The following C19orf47 variants were observed in gnomAD, a reference collection of about 807,000 sequenced individuals.
C19orf47 encodes chromosome 19 open reading frame 47, also known as uncharacterized protein C19orf47.
C19orf47 carries 18 observed loss-of-function variants against 32.3 expected under a neutral mutation model. That is an observed-to-expected ratio of 0.56 (90% CI 0.39 to 0.83). C19orf47 has a LOEUF of 0.83. Among genes scored for constraint, C19orf47 ranks in the 40% least tolerant of loss-of-function variants. C19orf47 has a pLI of 0.00. For missense variants in C19orf47, 484 were observed against 531.6 expected (o/e 0.91, Z 0.88); for synonymous variants, 202 against 211.1 (o/e 0.96, Z 0.37).
intron 6 of C19orf47, among the ~76,000 whole-genome samples, chr19:40,327,626 G>A (rs1320045323): frequency 6.6e-6 from 1 of 152,134 alleles, no homozygotes; most frequent in African/African-American, 2.4e-5. Context: ...TTTGCCTTAT[G>A]ACACCATGAG....
rs2077720757 is a variant in C19orf47 at position 40,321,705 on chromosome 19, C to T, written c.*177G>A. On this transcript the variant is annotated 3_prime_UTR_variant, in exon 9 of 9. Coordinates refer to ENST00000683109, the MANE Select transcript of C19orf47 (RefSeq NM_001256441.2). Reference sequence around the variant, plus strand: ...AGCAGGCCAGGCCAGCTGCGACGACCATCCCAGGCTAGGAGAAATGGGGTG... The same window carrying T: ...AGCAGGCCAGGCCAGCTGCGACGACTATCCCAGGCTAGGAGAAATGGGGTG... 1 of 1,418,628 alleles carries T rather than the reference C, an allele frequency of 7.0e-7. No homozygotes were observed. The highest frequency in any genetic ancestry group is 1.4e-5 in the African/African-American group (1 of 69,484). The allele number at this position is 1,418,628 out of a possible 1,614,324, so 87.9% of individuals were successfully genotyped here.
chr19:40,301,352 T>TATTTATTTATTC, the C19orf47 span, among the ~76,000 whole-genome samples: 3 of 148,820 alleles, frequency 2.0e-5, no homozygotes, highest in African/African-American at 5.0e-5. Flanking sequence ...TTTATTTATT[T>TATTTATTTATTC]ATTCTTGAGA....
At chr19:40,331,029 G>C (rs1204302307) in intron 5 of C19orf47, among the ~76,000 whole-genome samples, 1 of 152,140 alleles carries the variant, frequency 6.6e-6, no homozygotes, top group East Asian at 1.9e-4. Context: ...GTAATATTAT[G>C]GGTGAATGCT....
downstream of C19orf47, among the ~76,000 whole-genome samples, chr19:40,315,199 T>C (rs1392453579): frequency 3.3e-5 from 5 of 152,192 alleles, no homozygotes; most frequent in African/African-American, 4.8e-5. Flanking sequence ...GAATAAACTA[T>C]AGACTTTAGT....
At chr19:40,299,239 C>A in the C19orf47 span, among the ~76,000 whole-genome samples, 1 of 151,980 alleles carries the variant, frequency 6.6e-6, no homozygotes, top group African/African-American at 2.4e-5. Flanking sequence ...CCTTCAAAGC[C>A]TTTTAATAAT....
At chr19:40,342,320 A>C (rs1048595028) in intron 1 of C19orf47, 1 of 165,008 alleles carries the variant, frequency 6.1e-6, no homozygotes, top group Non-Finnish European at 1.3e-5. Flanking sequence ...ACCCTGTCTC[A>C]AAAAAAAAGG....
At chr19:40,316,882 G>A (rs1386084678), downstream of C19orf47, among the ~76,000 whole-genome samples, 1 of 152,100 alleles carries the variant, frequency 6.6e-6, no homozygotes, top group African/African-American at 2.4e-5. Context: ...AAAAGGAACT[G>A]GTTAAATAAA....
rs1600235349 is a variant in C19orf47, at chr19:40,348,335, G to A, written c.-45C>T. On this transcript the variant is annotated 5_prime_UTR_variant, in exon 1 of 9. Transcript: ENST00000683109. ...GGCCCGCGCCTCACCTGGCCCACCGGGCCCGCGCCCACTCGCGCCGCCCGC... is the reference window on the plus strand; with the variant it reads ...GGCCCGCGCCTCACCTGGCCCACCGAGCCCGCGCCCACTCGCGCCGCCCGC... 1.5e-6 allele frequency: 2 copies of A among 1,365,572 alleles called. No homozygotes were observed. The highest frequency in any genetic ancestry group is 3.2e-5 in the South Asian group (2 of 62,264). 84.6% of individuals were successfully genotyped at this position (1,365,572 alleles called of 1,614,324 possible).
intron 2 of C19orf47, among the ~76,000 whole-genome samples, chr19:40,338,022 G>C (rs1346202910): frequency 5.3e-5 from 8 of 152,088 alleles, no homozygotes; most frequent in African/African-American, 1.9e-4. Context: ...AATCTAAAGA[G>C]AAAGTAGATT....
chr19:40,331,660 G>A (rs1460525801), intron 5 of C19orf47, among the ~76,000 whole-genome samples: 1 of 152,068 alleles, frequency 6.6e-6, no homozygotes, highest in African/African-American at 2.4e-5. Flanking sequence ...ATACATGTCT[G>A]TGTTTTAAAG....
intron 2 of C19orf47, among the ~76,000 whole-genome samples, chr19:40,341,352 A>AAT (rs2145609618): frequency 6.6e-6 from 1 of 151,736 alleles, no homozygotes; most frequent in East Asian, 1.9e-4. Flanking sequence ...ATACATATAT[A>AAT]ATATATATAA....
the C19orf47 span, among the ~76,000 whole-genome samples, chr19:40,305,780 C>G: frequency 1.3e-5 from 2 of 152,096 alleles, no homozygotes; most frequent in African/African-American, 4.8e-5. Context: ...GAAATTGGAA[C>G]ATGAATTTTG....
intron 1 of C19orf47, among the ~76,000 whole-genome samples, chr19:40,345,784 G>A (rs184970645): frequency 8.3e-4 from 124 of 149,008 alleles, no homozygotes; most frequent in African/African-American, 2.8e-3. Flanking sequence ...GGGGGGGAGA[G>A]GTTGCAGTGA....
chr19:40,315,729 G>A (rs928013108), downstream of C19orf47, among the ~76,000 whole-genome samples: 2 of 151,400 alleles, frequency 1.3e-5, no homozygotes, highest in Non-Finnish European at 2.9e-5. Flanking sequence ...ACAGTGAGCC[G>A]AGATCACCCC....
Position 40,345,776 on chromosome 19 carries a change from G to C in C19orf47, c.-34+2548C>G, listed in dbSNP as rs376350272. 2.4e-3 allele frequency among the ~76,000 whole-genome samples: 365 copies of C among 150,960 alleles called. 2 individuals are homozygous for C. The highest frequency in any genetic ancestry group is 7.6e-3 in the African/African-American group (312 of 41,070). On this transcript the variant is annotated intron_variant, in intron 1 of 8. Transcript: ENST00000683109. ...AGAATCGCTTCAACCCGGGGCGGGG[G>C]GGGGAGAGGTTGCAGTGAGCCAAGA...
the C19orf47 span, among the ~76,000 whole-genome samples, chr19:40,312,435 C>T: frequency 1.3e-5 from 2 of 152,076 alleles, no homozygotes; most frequent in African/African-American, 2.4e-5. Flanking sequence ...GTCCCAGCTA[C>T]TTGGGAGGCT....
chr19:40,348,320 T>TCACCTGGCC lies in C19orf47; in HGVS notation c.-39_-34+3dup. Reference sequence around the variant, plus strand: ...AGTCCCACCACCCCCGGCCCGCGCCTCACCTGGCCCACCGGGCCCGCGCCC... The same window carrying TCACCTGGCC: ...AGTCCCACCACCCCCGGCCCGCGCCTCACCTGGCCCACCTGGCCCACCGGGCCCGCGCCC... On this transcript the variant is annotated splice_donor_region_variant and intron_variant, in intron 1 of 8. Transcript: ENST00000683109. 1 of 1,288,974 alleles carries TCACCTGGCC rather than the reference T, an allele frequency of 7.8e-7. No individual in the cohort carries two copies. The allele number at this position is 1,288,974 out of a possible 1,614,324, so 79.8% of individuals were successfully genotyped here.
intron 5 of C19orf47, among the ~76,000 whole-genome samples, chr19:40,331,264 A>C (rs1600188189): frequency 6.6e-6 from 1 of 152,200 alleles, no homozygotes; most frequent in Admixed American, 6.6e-5. Context: ...GAACCCTGCA[A>C]CCACCACTGT....
chr19:40,346,355 A>G (rs1315738322), intron 1 of C19orf47, among the ~76,000 whole-genome samples: 1 of 148,830 alleles, frequency 6.7e-6, no homozygotes, highest in African/African-American at 2.5e-5. Flanking sequence ...AGGCAGGAGA[A>G]TTGCTTAAGC....
Sources: gnomAD v4.1 joint callset for allele counts (sites outside exome capture counted in the v4.1 genomes callset) on GRCh38, gnomAD v4.1.1 for gene constraint, MANE v1.5 for transcripts, NCBI Gene and HGNC (gene_info 2026-07-23, HGNC 2026-07-21) for gene names.